Variants in PCDHA11 observed in about 807,000 individuals in gnomAD.
The protein encoded by PCDHA11 is protocadherin alpha-11.
Under a neutral mutation model 70.3 loss-of-function variants are expected in PCDHA11, and 61 were observed. The ratio of observed to expected loss-of-function variants is 0.87; its 90% CI spans 0.71 to 1.07. The LOEUF (loss-of-function observed/expected upper bound fraction) is 1.07, where lower values mean the gene tolerates loss of function less well. Ranked by LOEUF, PCDHA11 falls within the 50% of genes least tolerant of loss-of-function variation. The pLI, the probability that PCDHA11 is intolerant of heterozygous loss-of-function variation, is 0.00. For missense variants in PCDHA11, 1,324 were observed against 1,237.5 expected (o/e 1.07, Z -1.05); for synonymous variants, 633 against 555.1 (o/e 1.14, Z -1.97).
At position 140,903,777 on chromosome 5, in the gene PCDHA11, T is replaced by C. The variant is rs80247548; in HGVS notation, c.2391+32283T>C. On this transcript the variant is annotated intron_variant, in intron 1 of 3. Transcript: ENST00000398640. ...GATTTTTGCTGAACTTTTCTATCCA[T>C]AAACTATCTATGGTTGTAATTGACA... 8.0e-3 allele frequency among the ~76,000 whole-genome samples: 1,216 copies of C among 152,334 alleles called. 6 individuals are homozygous for C. The highest frequency in any genetic ancestry group is 0.019 in the African/African-American group (784 of 41,582).
intron 1 of PCDHA11, among the ~76,000 whole-genome samples, chr5:140,954,349 G>A (rs554018151): frequency 2.0e-4 from 31 of 152,312 alleles, no homozygotes; most frequent in Admixed American, 1.8e-3. Flanking sequence ...AGATCTTTGA[G>A]GAATCGCCAC....
intron 3 of PCDHA11, among the ~76,000 whole-genome samples, chr5:140,987,890 C>T (rs1554249653): frequency 1.3e-5 from 2 of 152,020 alleles, no homozygotes; most frequent in African/African-American, 4.8e-5. Flanking sequence ...TTTATGTGCC[C>T]TAGTTTTATA....
chr5:140,885,638 A>C (rs1490773479), intron 1 of PCDHA11, among the ~76,000 whole-genome samples: 10 of 152,184 alleles, frequency 6.6e-5, no homozygotes, highest in Admixed American at 5.2e-4. Flanking sequence ...ATTGCCTTCC[A>C]AGTATTTTGG....
chr5:140,929,717 A>G (rs1408315390), intron 1 of PCDHA11: 1 of 229,936 alleles, frequency 4.3e-6, no homozygotes, highest in Non-Finnish European at 9.0e-6. Flanking sequence ...ATGGAAGGTG[A>G]AACATTTACT....
rs1019397100 is a variant in PCDHA11, at chr5:140,953,409, G to A, written c.2392-25540G>A. On this transcript the variant is annotated intron_variant, in intron 1 of 3. Transcript: ENST00000398640. ...TGTGGATTACAGTGCTGTTGCTCCTGGCTCCTCCCCTTTGTCCTTAAGCTG... is the reference window on the plus strand; with the variant it reads ...TGTGGATTACAGTGCTGTTGCTCCTAGCTCCTCCCCTTTGTCCTTAAGCTG... Among the ~76,000 whole-genome samples, 14 of 152,194 alleles carry A rather than the reference G, an allele frequency of 9.2e-5. No individual in the cohort carries two copies. The South Asian group carries it at 2.9e-3, about 32-fold the overall frequency.
intron 3 of PCDHA11, among the ~76,000 whole-genome samples, chr5:140,992,543 T>G (rs1226407687): frequency 6.6e-6 from 1 of 152,186 alleles, no homozygotes; most frequent in African/African-American, 2.4e-5. Flanking sequence ...CTGTCACAAG[T>G]GATGCCAGGA....
intron 1 of PCDHA11, among the ~76,000 whole-genome samples, chr5:140,886,842 AAAAAAG>A (rs1562824849): frequency 6.6e-6 from 1 of 151,524 alleles, no homozygotes. Flanking sequence ...AAAAAAAAAA[AAAAAAG>A]AAAGGTCTTC....
intron 2 of PCDHA11, 103 bp downstream of exon 2, chr5:140,979,110 C>G (rs1223081047): frequency 4.6e-5 from 69 of 1,515,610 alleles, no homozygotes; most frequent in Non-Finnish European, 5.9e-5. Flanking sequence ...AACTAAAAAG[C>G]TTTAGGTACT....
At chr5:140,905,928 A>G (rs2072211023) in intron 1 of PCDHA11, among the ~76,000 whole-genome samples, 1 of 152,238 alleles carries the variant, frequency 6.6e-6, no homozygotes, top group Admixed American at 6.5e-5. Context: ...TGAGTCCCAA[A>G]GCTGAAGAAC....
At chr5:140,900,512 G>T (rs1191935182) in intron 1 of PCDHA11, among the ~76,000 whole-genome samples, 4 of 152,300 alleles carry the variant, frequency 2.6e-5, no homozygotes, top group Middle Eastern at 3.4e-3. Context: ...CCCAGCCTCA[G>T]GTGATCTGCC....
At chr5:140,964,383 G>A (rs543441248) in intron 1 of PCDHA11, among the ~76,000 whole-genome samples, 1 of 152,142 alleles carries the variant, frequency 6.6e-6, no homozygotes, top group Non-Finnish European at 1.5e-5. Context: ...GAGAGTCCTG[G>A]TTTTTCTCCC....
chr5:140,960,482 G>GTGTA (rs1585840878), intron 1 of PCDHA11, among the ~76,000 whole-genome samples: 1 of 152,150 alleles, frequency 6.6e-6, no homozygotes, highest in Non-Finnish European at 1.5e-5. Context: ...TTACACAGAG[G>GTGTA]TGTAGGTTTG....
chr5:141,004,311 C>T (rs2098161581), intron 3 of PCDHA11, among the ~76,000 whole-genome samples: 1 of 152,210 alleles, frequency 6.6e-6, no homozygotes, highest in South Asian at 2.1e-4. Context: ...TTTTATACAA[C>T]AACCAGAACA....
At chr5:140,953,952 C>T (rs1025145135) in intron 1 of PCDHA11, among the ~76,000 whole-genome samples, 1 of 152,084 alleles carries the variant, frequency 6.6e-6, no homozygotes, top group Non-Finnish European at 1.5e-5. Context: ...GCTCCCCCAA[C>T]AGGCCCCAGT....
chr5:140,976,142 C>T (rs1554237347), intron 1 of PCDHA11, among the ~76,000 whole-genome samples: 2 of 152,138 alleles, frequency 1.3e-5, no homozygotes, highest in Admixed American at 1.3e-4. Context: ...GGATGAAACT[C>T]ATGTACATTT....
chr5:140,948,709 CT>C (rs144736017), intron 1 of PCDHA11, among the ~76,000 whole-genome samples: 2,043 of 151,408 alleles, frequency 0.013, 38 homozygotes, highest in African/African-American at 0.047. Context: ...GTGTTCTATC[CT>C]CTTTTTTATC....
intron 1 of PCDHA11, chr5:140,882,711 C>A: frequency 6.2e-7 from 1 of 1,614,160 alleles, no homozygotes; most frequent in Non-Finnish European, 8.5e-7. Flanking sequence ...TCTAGACCTC[C>A]GGAAACTCGA....
rs782144486 is a variant in PCDHA11, at chr5:140,875,746, C to A, written c.2391+4252C>A. ...TTTGTTTGTGAATTCTCGGATCGAC[C>A]GCGAGAAGCTGTGCGGGCGGAGCGC... is the stretch of plus-strand genomic sequence containing the variant. On this transcript the variant is annotated intron_variant, in intron 1 of 3. Coordinates refer to ENST00000398640, the MANE Select transcript of PCDHA11 (RefSeq NM_018902.5). 7.4e-6 allele frequency: 12 copies of A among 1,614,096 alleles called. No homozygotes were observed. In the East Asian group the frequency reaches 2.0e-4, roughly 27 times the overall value.
intron 1 of PCDHA11, among the ~76,000 whole-genome samples, chr5:140,962,457 G>T (rs1563323233): frequency 6.6e-6 from 1 of 151,950 alleles, no homozygotes; most frequent in Non-Finnish European, 1.5e-5. Flanking sequence ...AATCTCTTAT[G>T]GCTTGAATCT....
Sources: gnomAD v4.1 joint callset for allele counts (sites outside exome capture counted in the v4.1 genomes callset) on GRCh38, gnomAD v4.1.1 for gene constraint, MANE v1.5 for transcripts, NCBI Gene and HGNC (gene_info 2026-07-23, HGNC 2026-07-21) for gene names.